Variants in GRIN2D observed in about 807,000 individuals in gnomAD.
GRIN2D encodes the protein glutamate ionotropic receptor NMDA type subunit 2D, also known as glutamate receptor ionotropic, NMDA 2D.
Under a neutral mutation model 103.2 loss-of-function variants are expected in GRIN2D, and 37 were observed. The observed-to-expected ratio is 0.36, with a 90% CI of 0.28 to 0.47. The LOEUF (loss-of-function observed/expected upper bound fraction) is 0.47, where lower values mean the gene tolerates loss of function less well. GRIN2D is among the 20% of genes least tolerant of loss of function. The pLI, the probability that GRIN2D is intolerant of heterozygous loss-of-function variation, is 1.00. For synonymous variants in GRIN2D, 845 were observed against 885.6 expected, an observed-to-expected ratio of 0.95 and a Z score of 0.81; for missense variants, 1,557 against 1,910.6, an observed-to-expected ratio of 0.81 and a Z score of 3.45.
Position 48,443,634 on chromosome 19 carries a change from G to A in GRIN2D, c.3708G>A (p.Pro1236=). Residue 1236 remains proline (P), a synonymous_variant, in exon 14 of 14, where the codon CCG becomes CCA. Transcript: ENST00000263269. The surrounding 1 kb of genome is among the most constrained non-coding windows in gnomAD (Gnocchi z 8.9). ...GCCCGCGGTCGCACCCGCACCGCCC[G>A]CGGGCCTCGCACCGCACGCCCGCCG... ...CGCPRSHPHR[P]RASHRTPAAA... The A allele has an allele frequency of 9.3e-7, 1 of 1,078,684 alleles. No homozygotes were observed. Among genetic ancestry groups the A allele is most frequent in the Non-Finnish European group, 1.1e-6 (1 of 895,370 alleles). 66.8% of individuals were successfully genotyped at this position (1,078,684 alleles called of 1,614,324 possible).
At position 48,442,520 on chromosome 19, in the gene GRIN2D, G is replaced by A. The variant is rs1215997280; in HGVS notation, c.2674-80G>A. 1.3e-6 allele frequency: 2 copies of A among 1,485,624 alleles called. No individual in the cohort carries two copies. Among genetic ancestry groups the A allele is most frequent in the African/African-American group, 2.8e-5 (2 of 72,112 alleles). 92.0% of individuals were successfully genotyped at this position (1,485,624 alleles called of 1,614,324 possible). A position where few individuals can be genotyped will look rare whatever the true frequency, so the allele number is the denominator to read the frequency against. On this transcript the variant is annotated intron_variant, in intron 13 of 13. Coordinates refer to ENST00000263269, the MANE Select transcript of GRIN2D (RefSeq NM_000836.4). The surrounding 1 kb of genome is among the most constrained non-coding windows in gnomAD (Gnocchi z 7.2). ...CGGGAAACACAGGCGGGTAAATGGA[G>A]AGGAGAGAGGGACTGAGGGGAGGCG...
At chr19:48,400,998 C>T (rs1341322167) in intron 3 of GRIN2D, among the ~76,000 whole-genome samples, 20 of 150,080 alleles carry the variant, frequency 1.3e-4, no homozygotes, top group Non-Finnish European at 1.5e-5. Context: ...ACCTGGGAGG[C>T]GGAGGTTGCA....
chr19:48,410,844 C>T (rs972181187), intron 4 of GRIN2D, among the ~76,000 whole-genome samples: 1 of 151,976 alleles, frequency 6.6e-6, no homozygotes, highest in African/African-American at 2.4e-5. Flanking sequence ...GACTTGGGGA[C>T]CGATAGGCTG....
At chr19:48,441,635 G>T in intron 11 of GRIN2D, 134 bp from the exon 12 acceptor site, 1 of 642,032 alleles carries the variant, frequency 1.6e-6, no homozygotes, top group Non-Finnish European at 2.7e-6. Context: ...ACTGAGAAGT[G>T]CAATGATTTG....
intron 4 of GRIN2D, among the ~76,000 whole-genome samples, chr19:48,412,450 AAAGAAAG>A: frequency 6.6e-6 from 1 of 150,778 alleles, no homozygotes; most frequent in African/African-American, 2.4e-5. Context: ...AGAAAGAAAG[AAAGAAAG>A]AAAGAAAGAA....
Position 48,443,324 on chromosome 19 carries a change from G to A in GRIN2D, c.3398G>A (p.Trp1133Ter). 6.5e-7 allele frequency: 1 copy of A among 1,542,618 alleles called. No individual in the cohort carries two copies. The highest frequency in any genetic ancestry group is 8.7e-7 in the Non-Finnish European group (1 of 1,154,692). Residue 1133 changes from tryptophan (W) to a stop codon, truncating the protein, a stop_gained, in exon 14 of 14, where the codon TGG becomes TAG. Coordinates refer to ENST00000263269, the MANE Select transcript of GRIN2D (RefSeq NM_000836.4). LOFTEE classifies it high-confidence loss of function. This position sits in a 1 kb window ranked among gnomAD's most constrained non-coding sequence, Gnocchi z 8.9. ...GASLGGLEPW[W>*]FADFPYPYAE... is the part of the protein sequence containing the mutation. ...TCGCTGGGCGGCCTGGAGCCCTGGT[G>A]GTTCGCCGACTTCCCTTACCCGTAT...
chr19:48,442,751 G>A lies in GRIN2D; in HGVS notation c.2825G>A (p.Arg942His), dbSNP rs1166921313. ...FVPRERASVDRWRRTKGAGPP... is the reference protein window; with the variant it reads ...FVPRERASVDHWRRTKGAGPP... ...CCCCGCGAGCGCGCCTCAGTGGACC[G>A]CTGGCGCCGGACCAAGGGCGCGGGG... is the stretch of plus-strand genomic sequence containing the variant. Residue 942 changes from arginine to histidine, a missense_variant, in exon 14 of 14, where the codon CGC becomes CAC. Transcript: ENST00000263269. This position sits in a 1 kb window ranked among gnomAD's most constrained non-coding sequence, Gnocchi z 7.2. 7 of 1,087,658 alleles carry A rather than the reference G, an allele frequency of 6.4e-6. No homozygotes were observed. The highest frequency in any genetic ancestry group is 3.4e-5 in the African/African-American group (2 of 58,750). The allele number at this position is 1,087,658 out of a possible 1,614,324, so 67.4% of individuals were successfully genotyped here.
intron 11 of GRIN2D, among the ~76,000 whole-genome samples, chr19:48,436,250 C>T (rs562372083): frequency 5.3e-5 from 8 of 151,930 alleles, no homozygotes; most frequent in African/African-American, 9.7e-5. Flanking sequence ...GCTTGGGAAG[C>T]GGGGAGTGCT....
At position 48,419,697 on chromosome 19, in the gene GRIN2D, G is replaced by A; in HGVS notation, c.1974G>A (p.Met658Ile). 1 of 1,613,406 alleles carries A rather than the reference G, an allele frequency of 6.2e-7. No individual in the cohort carries two copies. Among genetic ancestry groups the A allele is most frequent in the Non-Finnish European group, 8.5e-7 (1 of 1,179,708 alleles). ...CCCGGGGAACCACCAGCAAAATCAT[G>A]GTGCTGGTGTGGGCCTTCTTCGCCG... Reference protein sequence around the residue: ...ENPRGTTSKIMVLVWAFFAVI... With the variant: ...ENPRGTTSKIIVLVWAFFAVI... The change falls in exon 10 of 14, where the codon ATG becomes ATA. Residue 658 changes from methionine (M) to isoleucine (I), a missense_variant. This residue lies in a region of GRIN2D where 197 missense variants were observed against 334.1 expected (regional missense o/e 0.59). Coordinates refer to ENST00000263269, the MANE Select transcript of GRIN2D (RefSeq NM_000836.4).
At position 48,443,289 on chromosome 19, in the gene GRIN2D, G is replaced by C. The variant is rs769768919; in HGVS notation, c.3363G>C (p.Leu1121=). 4.6e-5 allele frequency: 71 copies of C among 1,540,688 alleles called. No homozygotes were observed. In the Admixed American group the frequency reaches 1.3e-3, roughly 28 times the overall value. ...SPSDSEDSES[L]GGASLGGLEP... The stretch of plus-strand genomic sequence containing the variant: ...CGGACTCGGAGGACTCGGAGAGCCT[G>C]GGCGGCGCGTCGCTGGGCGGCCTGG... The change falls in exon 14 of 14, where the codon CTG becomes CTC. Residue 1121 remains leucine, a synonymous_variant. Coordinates refer to ENST00000263269, the MANE Select transcript of GRIN2D (RefSeq NM_000836.4). This position sits in a 1 kb window ranked among gnomAD's most constrained non-coding sequence, Gnocchi z 8.9.
intron 11 of GRIN2D, among the ~76,000 whole-genome samples, chr19:48,433,142 C>T (rs374371453): frequency 6.1e-5 from 9 of 147,504 alleles, no homozygotes; most frequent in Non-Finnish European, 1.0e-4. Context: ...ACGAGAAGGG[C>T]GGATTGCCTG....
In GRIN2D at chr19:48,442,410, G is replaced by C. The variant is rs768689889; in HGVS notation, c.2673+28G>C. 2 of 1,589,318 alleles carry C rather than the reference G, an allele frequency of 1.3e-6. No homozygotes were observed. The highest frequency in any genetic ancestry group is 2.7e-5 in the African/African-American group (2 of 74,594). On this transcript the variant is annotated intron_variant, in intron 13 of 13. Transcript: ENST00000263269. The surrounding 1 kb of genome is among the most constrained non-coding windows in gnomAD (Gnocchi z 7.2). ...ATGGGGCAGAGAGGGAGGCAGAGAG[G>C]GGGAGATGGCAGGGGCGGGGACAAA...
rs1424713872 is a variant in GRIN2D, at chr19:48,405,241, G to A, written c.973G>A (p.Ala325Thr). The change falls in exon 4 of 14, where the codon GCC becomes ACC. Residue 325 changes from alanine to threonine, a missense_variant. Transcript: ENST00000263269. This position sits in a 1 kb window ranked among gnomAD's most constrained non-coding sequence, Gnocchi z 5.1. ...DLARRVAAGV[A>T]VVARGAQALL... The stretch of plus-strand genomic sequence containing the variant: ...GGCTCGGCGAGTGGCAGCTGGCGTG[G>A]CCGTAGTGGCCAGAGGTGCCCAGGC... 5 of 1,597,312 alleles carry A rather than the reference G, an allele frequency of 3.1e-6. No homozygotes were observed. In the African/African-American group the frequency reaches 5.3e-5, roughly 17 times the overall value.
Position 48,405,086 on chromosome 19 carries a change from T to C in GRIN2D, c.818T>C (p.Phe273Ser). Residue 273 changes from phenylalanine to serine, a missense_variant, in exon 4 of 14, where the codon TTC becomes TCC. Physicochemically the swap from Phe to Ser is radical, Grantham distance 155 (BLOSUM62 -2). Transcript: ENST00000263269. The surrounding 1 kb of genome is among the most constrained non-coding windows in gnomAD (Gnocchi z 5.1). ...AGLTGSGYVW[F>S]MVGPQLAGGG... ...CTCACTGGATCTGGCTACGTCTGGTTCATGGTGGGGCCCCAGCTGGCTGGA... is the reference window on the plus strand; with the variant it reads ...CTCACTGGATCTGGCTACGTCTGGTCCATGGTGGGGCCCCAGCTGGCTGGA... 1 of 1,599,668 alleles carries C rather than the reference T, an allele frequency of 6.3e-7. No individual in the cohort carries two copies. Among genetic ancestry groups the C allele is most frequent in the Non-Finnish European group, 8.5e-7 (1 of 1,172,560 alleles).
intron 7 of GRIN2D, 85 bp from the exon 8 acceptor site, chr19:48,415,917 C>CTGTCACTGGTCTGGGCTT: frequency 7.9e-7 from 1 of 1,264,210 alleles, no homozygotes. Flanking sequence ...GGTCTGCTCC[C>CTGTCACTGGTCTGGGCTT]GGGGCCCGTC....
chr19:48,427,437 T>C (rs1453273854), intron 11 of GRIN2D, among the ~76,000 whole-genome samples: 1 of 151,832 alleles, frequency 6.6e-6, no homozygotes, highest in Non-Finnish European at 1.5e-5. Flanking sequence ...CTTGCCTCCT[T>C]GCCAGGGCTT....
chr19:48,404,027 G>A (rs1173291288), intron 3 of GRIN2D, among the ~76,000 whole-genome samples: 2 of 152,154 alleles, frequency 1.3e-5, no homozygotes, highest in Non-Finnish European at 1.5e-5. Context: ...ATCATCTGAG[G>A]TCAGGAGTTC....
At chr19:48,431,735 G>A (rs1462332661) in intron 11 of GRIN2D, among the ~76,000 whole-genome samples, 1 of 151,698 alleles carries the variant, frequency 6.6e-6, no homozygotes, top group Non-Finnish European at 1.5e-5. Flanking sequence ...CAGGCATGTG[G>A]CACCATGCCC....
Position 48,398,671 on chromosome 19 carries a change from C to T in GRIN2D, c.279C>T (p.Gly93=). 6.9e-7 allele frequency: 1 copy of T among 1,455,996 alleles called. No individual in the cohort carries two copies. Among genetic ancestry groups the T allele is most frequent in the South Asian group, 1.3e-5 (1 of 76,726 alleles). The allele number at this position is 1,455,996 out of a possible 1,614,324, so 90.2% of individuals were successfully genotyped here. Residue 93 remains glycine (G), a synonymous_variant, in exon 3 of 14, where the codon GGC becomes GGT. Transcript: ENST00000263269. Reference sequence around the variant, plus strand: ...GGCCCGTGGCGCTGGTGCTCAACGGCTCGGACCCGCGCAGCCTCGTGCTGC... The same window carrying T: ...GGCCCGTGGCGCTGGTGCTCAACGGTTCGGACCCGCGCAGCCTCGTGCTGC... ...DVRPVALVLN[G]SDPRSLVLQL...
Sources: gnomAD v4.1 joint callset for allele counts (sites outside exome capture counted in the v4.1 genomes callset) on GRCh38, gnomAD v4.1.1 for gene constraint, gnomAD v4.1.1 regional missense constraint, Gnocchi (gnomAD v3.1) non-coding constraint, MANE v1.5 for transcripts, NCBI Gene and HGNC (gene_info 2026-07-23, HGNC 2026-07-21) for gene names.